Variants in CD5 observed in about 807,000 individuals in gnomAD.
CD5 encodes the protein CD5 molecule, also known as T-cell surface glycoprotein CD5.
In CD5, 36 loss-of-function variants were observed where a neutral mutation model predicts 60.3. The observed-to-expected ratio is 0.60, with a 90% CI of 0.46 to 0.79. The LOEUF is 0.79. Among genes scored for constraint, CD5 ranks in the 30% least tolerant of loss-of-function variants. The probability of loss-of-function intolerance (pLI) is 0.00; values close to 1 mark genes in which losing one functional copy is unlikely to be tolerated. For missense variants in CD5, 540 were observed against 630.6 expected (o/e 0.86, Z 1.54); for synonymous variants, 230 against 257.6 (o/e 0.89, Z 1.03).
chr11:61,123,950 G>A lies in CD5; in HGVS notation c.1279+13G>A, dbSNP rs370686947. On this transcript the variant is annotated intron_variant, in intron 8 of 10. Coordinates refer to ENST00000347785, the MANE Select transcript of CD5 (RefSeq NM_014207.4). ...ATGAACCAAAACAGTAAGTGTCCCC[G>A]GAGGCAGGAGCCTCCCTCAGGCCCT... 76 of 1,608,822 alleles carry A rather than the reference G, an allele frequency of 4.7e-5. No individual in the cohort carries two copies. Among genetic ancestry groups the A allele is most frequent in the Non-Finnish European group, 5.5e-5 (65 of 1,175,774 alleles).
chr11:61,116,826 A>G (rs980809183), intron 2 of CD5, among the ~76,000 whole-genome samples: 5 of 139,038 alleles, frequency 3.6e-5, no homozygotes, highest in Non-Finnish European at 6.2e-5. Flanking sequence ...CACACATACA[A>G]CACACACAAC....
intron 1 of CD5, among the ~76,000 whole-genome samples, chr11:61,113,717 G>A (rs1281561470): frequency 6.6e-6 from 1 of 151,922 alleles, no homozygotes; most frequent in Non-Finnish European, 1.5e-5. Flanking sequence ...CACCCAGTCT[G>A]GAGTATAGTG....
chr11:61,113,081 C>A (rs542891541), intron 1 of CD5, among the ~76,000 whole-genome samples: 18 of 152,340 alleles, frequency 1.2e-4, no homozygotes, highest in African/African-American at 4.1e-4. Context: ...CTAAACACAC[C>A]TATTTTTTAA....
rs141935047 is a variant in CD5 at position 61,118,188 on chromosome 11, G to T, written c.108G>T (p.Arg36Ser). 6.2e-7 allele frequency: 1 copy of T among 1,613,696 alleles called. No individual in the cohort carries two copies. Among genetic ancestry groups the T allele is most frequent in the Non-Finnish European group, 8.5e-7 (1 of 1,179,628 alleles). ...LSWYDPDFQA[R>S]LTRSNSKCQG... Reference sequence around the variant, plus strand: ...TCTGACCCCCAGATTTCCAGGCAAGGCTCACCCGTTCCAACTCGAAGTGCC... The same window carrying T: ...TCTGACCCCCAGATTTCCAGGCAAGTCTCACCCGTTCCAACTCGAAGTGCC... Residue 36 changes from arginine to serine, a missense_variant, in exon 3 of 11, where the codon AGG becomes AGT. Coordinates refer to ENST00000347785, the MANE Select transcript of CD5 (RefSeq NM_014207.4). The surrounding 1 kb of genome is among the most constrained non-coding windows in gnomAD (Gnocchi z 4.7).
intron 1 of CD5, among the ~76,000 whole-genome samples, chr11:61,109,482 A>C (rs2134596589): frequency 6.6e-6 from 1 of 152,268 alleles, no homozygotes; most frequent in East Asian, 1.9e-4. Flanking sequence ...TGGATCTTGA[A>C]ATGTGTTTAA....
chr11:61,126,007 A>T (rs2134615492), intron 10 of CD5, among the ~76,000 whole-genome samples, 166 bp downstream of exon 10: 1 of 152,376 alleles, frequency 6.6e-6, no homozygotes, highest in South Asian at 2.1e-4. Flanking sequence ...TCAGCTGTTT[A>T]GGTTATACGA....
chr11:61,097,571 T>C (rs1188118207), upstream of CD5, among the ~76,000 whole-genome samples: 1 of 152,184 alleles, frequency 6.6e-6, no homozygotes, highest in African/African-American at 2.4e-5. Flanking sequence ...TATGTGGGCA[T>C]AGAGCTTACG....
At chr11:61,101,375 A>ACACACG (rs1860682445), upstream of CD5, among the ~76,000 whole-genome samples, 1 of 103,870 alleles carries the variant, frequency 9.6e-6, no homozygotes, top group African/African-American at 3.1e-5. Context: ...ACACACACAC[A>ACACACG]TCAACATGGA....
chr11:61,115,006 G>GGAGA (rs750755306), intron 1 of CD5, 50 bp from the exon 2 acceptor site: 3 of 1,533,324 alleles, frequency 2.0e-6, no homozygotes, highest in Non-Finnish European at 1.8e-6. Flanking sequence ...TGGGGAGAAG[G>GGAGA]GAGAGAGTGG....
intron 1 of CD5, among the ~76,000 whole-genome samples, chr11:61,103,475 C>A (rs1860730148): frequency 6.6e-6 from 1 of 152,132 alleles, no homozygotes; most frequent in East Asian, 1.9e-4. Context: ...GCCTTGCCTG[C>A]CTGAGCAGGG....
the CD5 span, among the ~76,000 whole-genome samples, chr11:61,095,984 G>A: frequency 3.3e-5 from 5 of 152,194 alleles, no homozygotes; most frequent in Non-Finnish European, 7.3e-5. Context: ...TGGGGTTTGC[G>A]GGTATGAATA....
Position 61,116,657 on chromosome 11 carries a change from CCACACACACCA to C in CD5, c.95-1508_95-1498del, listed in dbSNP as rs1565185127. Among the ~76,000 whole-genome samples, 12 of 138,626 alleles carry C rather than the reference CCACACACACCA, an allele frequency of 8.7e-5. No individual in the cohort carries two copies. In the South Asian group the frequency reaches 1.2e-3, roughly 14 times the overall value. The allele number at this position is 138,626 out of a possible 152,430, so 90.9% of individuals were successfully genotyped here. A position where few individuals can be genotyped will look rare whatever the true frequency, so the allele number is the denominator to read the frequency against. ...ACACACCACACACACCCCACACACA[CCACACACACCA>C]CACACACACACTACACACACCACAT... On this transcript the variant is annotated intron_variant, in intron 2 of 10. Transcript: ENST00000347785.
intron 1 of CD5, among the ~76,000 whole-genome samples, chr11:61,114,016 T>C (rs565072559): frequency 6.6e-6 from 1 of 152,120 alleles, no homozygotes; most frequent in Non-Finnish European, 1.5e-5. Context: ...GAGCTCAAAC[T>C]TTTTTGAGTG....
chr11:61,096,452 C>T, the CD5 span, among the ~76,000 whole-genome samples: 1 of 152,202 alleles, frequency 6.6e-6, no homozygotes. Context: ...CCACCCCGGT[C>T]ACCCCCTCAT....
chr11:61,101,948 ACACACT>A (rs1860699513), upstream of CD5, among the ~76,000 whole-genome samples: 1 of 151,450 alleles, frequency 6.6e-6, no homozygotes, highest in African/African-American at 2.4e-5. Flanking sequence ...ACACACACAC[ACACACT>A]GGCACAAGCC....
chr11:61,099,488 A>ACAACATGGAGATCACACACACTCG (rs1860628232), upstream of CD5, among the ~76,000 whole-genome samples: 1 of 26,106 alleles, frequency 3.8e-5, no homozygotes. Context: ...TCACACACAC[A>ACAACATGGAGATCACACACACTCG]TCAACATGGA....
At chr11:61,099,233 ACAT>A (rs1860622934), upstream of CD5, among the ~76,000 whole-genome samples, 1 of 152,166 alleles carries the variant, frequency 6.6e-6, no homozygotes, top group Admixed American at 6.5e-5. Flanking sequence ...GAGATCACAC[ACAT>A]CAACATGGAA....
Position 61,125,149 on chromosome 11 carries a change from C to A in CD5, c.1397C>A (p.Pro466Gln). ...PPRNSHLSAY[P>Q]ALEGALHRSS... ...AGGAACTCCCACCTGTCAGCTTATC[C>A]AGGTAAGCACCAGCGGGTGCTCCCA... is the stretch of plus-strand genomic sequence containing the variant. Residue 466 changes from proline to glutamine, a missense_variant and splice_region_variant, in exon 9 of 11, where the codon CCA becomes CAA. Pro to Gln is a moderately conservative substitution (Grantham distance 76). Transcript: ENST00000347785. The A allele has an allele frequency of 6.2e-7, 1 of 1,613,982 alleles. No individual in the cohort carries two copies. The highest frequency in any genetic ancestry group is 1.1e-5 in the South Asian group (1 of 91,066).
At chr11:61,113,426 G>A (rs1354694953) in intron 1 of CD5, among the ~76,000 whole-genome samples, 6 of 152,192 alleles carry the variant, frequency 3.9e-5, no homozygotes, top group East Asian at 1.9e-4. Flanking sequence ...GAGCTTCCAC[G>A]TGGTCCACAT....
Sources: gnomAD v4.1 joint callset for allele counts (sites outside exome capture counted in the v4.1 genomes callset) on GRCh38, gnomAD v4.1.1 for gene constraint, Gnocchi (gnomAD v3.1) non-coding constraint, MANE v1.5 for transcripts, NCBI Gene and HGNC (gene_info 2026-07-23, HGNC 2026-07-21) for gene names.